CTNNA3: variants seen among roughly 807,000 people sequenced by gnomAD.
CTNNA3 encodes the protein catenin alpha 3.
Under a neutral mutation model 95.7 loss-of-function variants are expected in CTNNA3, and 76 were observed. That is an observed-to-expected ratio of 0.79 (90% CI 0.66 to 0.96). CTNNA3 has a LOEUF of 0.96. Ranked by LOEUF, CTNNA3 falls within the 40% of genes least tolerant of loss-of-function variation. The pLI is 0.00. For missense variants in CTNNA3, 1,191 were observed against 1,089.8 expected, an observed-to-expected ratio of 1.09 and a Z score of -1.31; for synonymous variants, 431 against 374.4, an observed-to-expected ratio of 1.15 and a Z score of -1.74.
At chr10:66,203,150 T>C (rs1481601827) in intron 13 of CTNNA3, among the ~76,000 whole-genome samples, 1 of 152,082 alleles carries the variant, frequency 6.6e-6, no homozygotes, top group Non-Finnish European at 1.5e-5. Flanking sequence ...ATCCAACCAT[T>C]AATGAGAAAC....
chr10:67,626,055 A>G (rs58792078), intron 2 of CTNNA3, among the ~76,000 whole-genome samples: 5,390 of 151,978 alleles, frequency 0.035, 96 homozygotes, highest in Middle Eastern at 0.078. Flanking sequence ...GGTGGCATGC[A>G]TCTGTAGTCT....
At chr10:66,315,506 T>TG (rs2092088551) in intron 12 of CTNNA3, among the ~76,000 whole-genome samples, 2 of 149,696 alleles carry the variant, frequency 1.3e-5, no homozygotes, top group Admixed American at 6.7e-5. Flanking sequence ...CTGACTTCTC[T>TG]TGTGTGTGTG....
chr10:67,308,583 AT>A (rs143697851), intron 5 of CTNNA3, among the ~76,000 whole-genome samples: 2,573 of 152,124 alleles, frequency 0.017, 69 homozygotes, highest in African/African-American at 0.059. Context: ...TCTTTGAGAC[AT>A]TTTTTTTCTA....
At chr10:66,934,232 G>A (rs1847567336) in intron 7 of CTNNA3, among the ~76,000 whole-genome samples, 1 of 151,962 alleles carries the variant, frequency 6.6e-6, no homozygotes, top group East Asian at 1.9e-4. Flanking sequence ...ATGTTGTAAT[G>A]ATAATTAATA....
chr10:67,758,323 T>TACAC (rs3059974), intron 1 of CTNNA3, among the ~76,000 whole-genome samples: 4,485 of 143,352 alleles, frequency 0.031, 103 homozygotes, highest in Admixed American at 0.071. Context: ...TAAATATATA[T>TACAC]ACACACACAC....
chr10:66,973,986 G>A (rs761266826), intron 7 of CTNNA3, among the ~76,000 whole-genome samples: 17 of 151,942 alleles, frequency 1.1e-4, no homozygotes, highest in Non-Finnish European at 1.8e-4. Flanking sequence ...TAAAGTATAC[G>A]GTTTAATAGG....
chr10:67,144,554 T>C (rs1211144644), intron 7 of CTNNA3, among the ~76,000 whole-genome samples: 4 of 152,222 alleles, frequency 2.6e-5, no homozygotes, highest in Non-Finnish European at 5.9e-5. Flanking sequence ...AGCTTTTACA[T>C]CAGTACTTGC....
chr10:66,591,273 TA>T (rs930077897), intron 10 of CTNNA3, among the ~76,000 whole-genome samples: 9 of 152,152 alleles, frequency 5.9e-5, no homozygotes, highest in Non-Finnish European at 8.8e-5. Context: ...GAGTGGTATA[TA>T]AAACATATTT....
chr10:66,147,630 T>G (rs63732562), intron 13 of CTNNA3, among the ~76,000 whole-genome samples: 9 of 80,452 alleles, frequency 1.1e-4, no homozygotes, highest in Non-Finnish European at 2.2e-4. Flanking sequence ...TTTTTTTTTT[T>G]GTCGTTGTTG....
intron 3 of CTNNA3, among the ~76,000 whole-genome samples, chr10:67,559,443 G>A (rs574545692): frequency 6.6e-6 from 1 of 152,174 alleles, no homozygotes; most frequent in South Asian, 2.1e-4. Context: ...TCTGTTAGAA[G>A]GAAAAATAAC....
intron 11 of CTNNA3, among the ~76,000 whole-genome samples, chr10:66,490,070 G>A (rs945843189): frequency 1.3e-5 from 2 of 152,102 alleles, no homozygotes; most frequent in Non-Finnish European, 2.9e-5. Flanking sequence ...TGACCCCTTT[G>A]TTTAACACAT....
At chr10:67,549,575 A>G (rs1360050496) in intron 3 of CTNNA3, among the ~76,000 whole-genome samples, 1 of 152,204 alleles carries the variant, frequency 6.6e-6, no homozygotes, top group Non-Finnish European at 1.5e-5. Context: ...AAGAGGTCAA[A>G]TATTTTTGAA....
At chr10:67,171,212 T>C (rs936310874) in intron 7 of CTNNA3, among the ~76,000 whole-genome samples, 1 of 152,180 alleles carries the variant, frequency 6.6e-6, no homozygotes, top group Non-Finnish European at 1.5e-5. Context: ...ATTAAATGGT[T>C]TTCAGGCATT....
chr10:66,193,193 T>G (rs1309156461), intron 13 of CTNNA3, among the ~76,000 whole-genome samples: 2 of 152,132 alleles, frequency 1.3e-5, no homozygotes, highest in East Asian at 3.9e-4. Context: ...GAGATACAAT[T>G]AATCAAATAA....
At chr10:67,223,875 T>C (rs546123212) in intron 5 of CTNNA3, among the ~76,000 whole-genome samples, 1 of 152,314 alleles carries the variant, frequency 6.6e-6, no homozygotes, top group Non-Finnish European at 1.5e-5. Context: ...ACCCACAGCA[T>C]AGAGGACAGT....
At chr10:66,064,620 C>G (rs1358215861) in intron 15 of CTNNA3, among the ~76,000 whole-genome samples, 1 of 152,076 alleles carries the variant, frequency 6.6e-6, no homozygotes, top group Non-Finnish European at 1.5e-5. Flanking sequence ...TCTCTGGTTC[C>G]CCTTTTAAAG....
At chr10:66,415,329 A>T (rs1033256753) in intron 11 of CTNNA3, among the ~76,000 whole-genome samples, 4 of 90,998 alleles carry the variant, frequency 4.4e-5, no homozygotes, top group Admixed American at 1.0e-4. Context: ...CTACCCACAC[A>T]GCAGCTACTA....
intron 5 of CTNNA3, among the ~76,000 whole-genome samples, chr10:67,460,946 T>A (rs1257743975): frequency 2.0e-5 from 3 of 152,198 alleles, no homozygotes; most frequent in Non-Finnish European, 4.4e-5. Flanking sequence ...TATTGTACTT[T>A]ATATGATTTG....
upstream of CTNNA3, among the ~76,000 whole-genome samples, chr10:67,699,869 T>G (rs1841021294): frequency 6.6e-6 from 1 of 152,168 alleles, no homozygotes; most frequent in Non-Finnish European, 1.5e-5. Flanking sequence ...CCTTTCCTAG[T>G]CAAAGAAAGG....
Sources: allele counts gnomAD v4.1 joint callset (sites outside exome capture counted in the v4.1 genomes callset), GRCh38; gene constraint gnomAD v4.1.1; transcripts MANE v1.5; gene names NCBI Gene and HGNC (gene_info 2026-07-23, HGNC 2026-07-21).